Variants in VPS13C observed in about 807,000 individuals in gnomAD.
VPS13C encodes vacuolar protein sorting 13 homolog C, also known as intermembrane lipid transfer protein VPS13C.
Under a neutral mutation model 456.8 loss-of-function variants are expected in VPS13C, and 358 were observed. The ratio of observed to expected loss-of-function variants is 0.78; its 90% CI spans 0.72 to 0.86. The LOEUF (loss-of-function observed/expected upper bound fraction) is 0.86, where lower values mean the gene tolerates loss of function less well. Ranked by LOEUF, VPS13C falls within the 40% of genes least tolerant of loss-of-function variation. The probability of loss-of-function intolerance (pLI) is 0.00; values close to 1 mark genes in which losing one functional copy is unlikely to be tolerated. For synonymous variants in VPS13C, 1,578 were observed against 1,486.7 expected (o/e 1.06, Z -1.41); for missense variants, 4,818 against 4,385.4 (o/e 1.10, Z -2.79).
At chr15:61,859,041 A>C (rs1596261497) in intron 82 of VPS13C, among the ~76,000 whole-genome samples, 1 of 152,300 alleles carries the variant, frequency 6.6e-6, no homozygotes, top group East Asian at 1.9e-4. Flanking sequence ...CGTGTGTACT[A>C]TTCTGTGTGA....
intron 81 of VPS13C, chr15:61,866,288 A>G (rs1485246080): frequency 2.0e-5 from 20 of 983,492 alleles, no homozygotes; most frequent in Admixed American, 6.2e-5. Context: ...AAGTTGTCTG[A>G]TATCTTAATA....
chr15:61,909,345 T>A (rs942653922), intron 64 of VPS13C, among the ~76,000 whole-genome samples: 5 of 152,150 alleles, frequency 3.3e-5, no homozygotes, highest in Non-Finnish European at 5.9e-5. Flanking sequence ...ATAGCTGGGA[T>A]TACAGGCATG....
At position 61,920,584 on chromosome 15, in the gene VPS13C, G is replaced by T. The variant is rs1203528046; in HGVS notation, c.7126C>A (p.Gln2376Lys). The stretch of plus-strand genomic sequence containing the variant: ...CCTGAAGAAATATGAATTGCCATTT[G>T]TGGCTCAGGAATAAAATCATCTCCT... ...LPGDDFIPEP[Q>K]MAIHISSGNT... is the part of the protein sequence containing the mutation. The change falls in exon 56 of 85, where the codon CAA becomes AAA. Residue 2376 changes from glutamine (Q) to lysine (K), a missense_variant. Around this residue, in one of 3 missense-constraint regions of VPS13C, gnomAD observed 4,552 missense variants for 4,130.6 expected, o/e 1.10. Transcript: ENST00000644861. 19 of 1,591,870 alleles carry T rather than the reference G, an allele frequency of 1.2e-5. No individual in the cohort carries two copies. Among genetic ancestry groups the T allele is most frequent in the Non-Finnish European group, 1.4e-5 (16 of 1,173,666 alleles).
At chr15:61,894,616 T>C (rs2042750481) in intron 66 of VPS13C, among the ~76,000 whole-genome samples, 1 of 151,846 alleles carries the variant, frequency 6.6e-6, no homozygotes, top group Admixed American at 6.6e-5. Flanking sequence ...AAAATAGATT[T>C]CAAGGCTAAG....
At chr15:61,999,537 C>G (rs2046525140) in intron 16 of VPS13C, among the ~76,000 whole-genome samples, 1 of 152,068 alleles carries the variant, frequency 6.6e-6, no homozygotes, top group Non-Finnish European at 1.5e-5. Flanking sequence ...ACATCTGTAA[C>G]TATAAAAAGG....
At position 61,880,896 on chromosome 15, in the gene VPS13C, C is replaced by T. The variant is rs1216361441; in HGVS notation, c.9835G>A (p.Ala3279Thr). 1.9e-6 allele frequency: 3 copies of T among 1,610,414 alleles called. No individual in the cohort carries two copies. The highest frequency in any genetic ancestry group is 2.7e-5 in the African/African-American group (2 of 74,712). ...GTTGGGGTAAACAGTGCAATAATAG[C>T]TCCTAGAAACCCTTGATCAATTTTT... is the stretch of plus-strand genomic sequence containing the variant. The part of the protein sequence containing the change: ...ALKIDQGFLG[A>T]IIALFTPTTD... Residue 3279 changes from alanine to threonine, a missense_variant, in exon 72 of 85, where the codon GCT becomes ACT. By Grantham distance (58) the Ala-to-Thr change is moderately conservative. This residue lies in a region of VPS13C where 4,552 missense variants were observed against 4,130.6 expected (regional missense o/e 1.10). Transcript: ENST00000644861.
chr15:61,911,431 A>C (rs1010349460), intron 63 of VPS13C, among the ~76,000 whole-genome samples: 2 of 152,160 alleles, frequency 1.3e-5, no homozygotes, highest in African/African-American at 4.8e-5. Context: ...CAGCTCACCT[A>C]TTCAGAAATT....
chr15:61,956,085 C>T (rs2044985703), intron 37 of VPS13C, among the ~76,000 whole-genome samples: 1 of 152,096 alleles, frequency 6.6e-6, no homozygotes. Flanking sequence ...TAGATGCCCA[C>T]TGACAGTGGA....
At chr15:61,982,613 G>T in intron 20 of VPS13C, 40 bp from the exon 21 acceptor site, 1 of 1,421,976 alleles carries the variant, frequency 7.0e-7, no homozygotes, top group Non-Finnish European at 9.7e-7. Flanking sequence ...GTTACACATG[G>T]TTCTTTCCAT....
rs1298589633 is a variant in VPS13C at position 61,919,299 on chromosome 15, G to A, written c.7628C>T (p.Ser2543Phe). The A allele has an allele frequency of 6.3e-7, 1 of 1,597,438 alleles. No individual in the cohort carries two copies. Among genetic ancestry groups the A allele is most frequent in the African/African-American group, 1.4e-5 (1 of 73,862 alleles). Residue 2543 changes from serine (S) to phenylalanine (F), a missense_variant, in exon 58 of 85, where the codon TCT (serine) becomes TTT (phenylalanine). Around this residue, in one of 3 missense-constraint regions of VPS13C, gnomAD observed 4,552 missense variants for 4,130.6 expected, o/e 1.10. Coordinates refer to ENST00000644861, the MANE Select transcript of VPS13C (RefSeq NM_020821.3). The stretch of plus-strand genomic sequence containing the variant: ...ACTTTGAAGTATTACCTGTAGAGGA[G>A]AGCGAAGGGTAATTACTTTATTCCC... ...TEGNKVITLR[S>F]PLQIKNHFSI...
intron 15 of VPS13C, among the ~76,000 whole-genome samples, chr15:62,005,511 A>T (rs1378425576): frequency 1.3e-5 from 2 of 150,332 alleles, no homozygotes; most frequent in Non-Finnish European, 3.0e-5. Context: ...CATTTAGTCC[A>T]TTTACATTTA....
At chr15:61,891,928 G>A (rs2042664678) in intron 66 of VPS13C, among the ~76,000 whole-genome samples, 1 of 152,136 alleles carries the variant, frequency 6.6e-6, no homozygotes, top group Non-Finnish European at 1.5e-5. Context: ...GAAGTGAAAA[G>A]CTCCACGCAG....
intron 36 of VPS13C, 34 bp downstream of exon 36, chr15:61,959,414 A>T: frequency 2.0e-6 from 3 of 1,521,026 alleles, no homozygotes; most frequent in Non-Finnish European, 2.7e-6. Flanking sequence ...TTAAAATTTC[A>T]ACAATGAAGT....
At chr15:61,943,953 C>T (rs1453111837) in intron 45 of VPS13C, among the ~76,000 whole-genome samples, 1 of 145,830 alleles carries the variant, frequency 6.9e-6, no homozygotes, top group Admixed American at 6.8e-5. Flanking sequence ...AAGCAAAAAA[C>T]AAATCCCATT....
At chr15:61,977,222 T>C (rs1331975295) in intron 23 of VPS13C, 23 bp from the exon 24 acceptor site, 2 of 1,379,600 alleles carry the variant, frequency 1.4e-6, no homozygotes, top group Non-Finnish European at 1.9e-6. Context: ...ATTTAAGATA[T>C]TATTTATTAT....
chr15:61,854,990 T>C (rs1566948965), intron 83 of VPS13C, 36 bp from the exon 84 acceptor site: 1 of 1,553,004 alleles, frequency 6.4e-7, no homozygotes, highest in Admixed American at 2.2e-5. Context: ...AAAGAAATTA[T>C]TCTGAGGAAG....
intron 64 of VPS13C, 81 bp from the exon 65 acceptor site, chr15:61,909,206 C>A: frequency 6.5e-7 from 1 of 1,547,436 alleles, no homozygotes; most frequent in East Asian, 2.3e-5. Context: ...TTACGTAAAA[C>A]ACAAAAGCTT....
At chr15:61,887,156 C>CA (rs1896329907) in intron 67 of VPS13C, among the ~76,000 whole-genome samples, 1 of 151,988 alleles carries the variant, frequency 6.6e-6, no homozygotes, top group African/African-American at 2.4e-5. Context: ...AAGAATCAAC[C>CA]AAAAAATCCT....
rs1207560686 is a variant in VPS13C, at chr15:61,942,070, G to A, written c.5149-3C>T. Reference sequence around the variant, plus strand: ...GTTTGGAAATTGTTGAGGAAGTTCTGTTGGAAGAGACAGATATTTAGGGGA... The same window carrying A: ...GTTTGGAAATTGTTGAGGAAGTTCTATTGGAAGAGACAGATATTTAGGGGA... On this transcript the variant is annotated splice_polypyrimidine_tract_variant and splice_region_variant and intron_variant, in intron 45 of 84. Transcript: ENST00000644861. 3 of 1,566,358 alleles carry A rather than the reference G, an allele frequency of 1.9e-6. No homozygotes were observed. The highest frequency in any genetic ancestry group is 1.8e-5 in the Admixed American group (1 of 56,054).
Sources: gnomAD v4.1 joint callset for allele counts (sites outside exome capture counted in the v4.1 genomes callset) on GRCh38, gnomAD v4.1.1 for gene constraint, gnomAD v4.1.1 regional missense constraint, MANE v1.5 for transcripts, NCBI Gene and HGNC (gene_info 2026-07-23, HGNC 2026-07-21) for gene names.